Variants in PLCG2 observed in about 807,000 individuals in gnomAD.
The protein encoded by PLCG2 is 1-phosphatidylinositol 4,5-bisphosphate phosphodiesterase gamma-2.
In PLCG2, 69 loss-of-function variants were observed where a neutral mutation model predicts 175.6. That is an observed-to-expected ratio of 0.39 (90% confidence interval 0.32 to 0.48). The LOEUF is 0.48. Ranked by LOEUF, PLCG2 falls within the 20% of genes least tolerant of loss-of-function variation. The pLI is 0.91. For synonymous variants in PLCG2, 827 were observed against 624.0 expected, an observed-to-expected ratio of 1.33 and a Z score of -4.85; for missense variants, 1,798 against 1,650.9, an observed-to-expected ratio of 1.09 and a Z score of -1.54.
At chr16:81,925,822 G>C (rs944959113) in intron 22 of PLCG2, among the ~76,000 whole-genome samples, 2 of 151,722 alleles carry the variant, frequency 1.3e-5, no homozygotes, top group African/African-American at 2.4e-5. Context: ...GGGAGGCGAA[G>C]GTTGCAGTGA....
Position 81,786,135 on chromosome 16 carries a change from C to T in PLCG2, c.146C>T (p.Thr49Met), listed in dbSNP as rs1231997442. The change falls in exon 2 of 33, where the codon ACG (threonine) becomes ATG (methionine). Residue 49 changes from threonine (T) to methionine (M), a missense_variant. Transcript: ENST00000564138. ...ERRTVQVIMETRQVAWSKTAD... is the reference protein window; with the variant it reads ...ERRTVQVIMEMRQVAWSKTAD... The stretch of plus-strand genomic sequence containing the variant: ...AGAACCGTCCAGGTGATCATGGAGA[C>T]GCGGCAGGTGGCCTGGAGCAAGACC... 3.7e-6 allele frequency: 6 copies of T among 1,614,084 alleles called. No individual in the cohort carries two copies. The highest frequency in any genetic ancestry group is 1.1e-5 in the South Asian group (1 of 91,082).
At chr16:81,867,526 A>G (rs1268974076) in intron 5 of PLCG2, among the ~76,000 whole-genome samples, 1 of 152,204 alleles carries the variant, frequency 6.6e-6, no homozygotes, top group Non-Finnish European at 1.5e-5. Flanking sequence ...TGATCATGGT[A>G]CCTGCCTTGT....
At chr16:81,949,079 T>A (rs182195298) in intron 31 of PLCG2, among the ~76,000 whole-genome samples, 264 of 152,224 alleles carry the variant, frequency 1.7e-3, no homozygotes, top group Non-Finnish European at 2.8e-3. Context: ...ACACCAAAGA[T>A]AATGTGAAGG....
chr16:81,935,489 AT>A, intron 26 of PLCG2: 1 of 982,164 alleles, frequency 1.0e-6, no homozygotes, highest in Non-Finnish European at 1.2e-6. Flanking sequence ...TGCTGTACGT[AT>A]TTTTTTCTTT....
At chr16:81,900,014 A>G (rs1318187423) in intron 13 of PLCG2, among the ~76,000 whole-genome samples, 1 of 152,228 alleles carries the variant, frequency 6.6e-6, no homozygotes, top group Non-Finnish European at 1.5e-5. Flanking sequence ...GATAAGAAAA[A>G]TCAACTACAG....
chr16:81,914,251 C>T (rs1909748529), intron 19 of PLCG2, among the ~76,000 whole-genome samples: 1 of 152,248 alleles, frequency 6.6e-6, no homozygotes. Context: ...TCTGACACAA[C>T]CGGATCGGGG....
chr16:81,821,847 A>G (rs1437342124), intron 2 of PLCG2, among the ~76,000 whole-genome samples: 1 of 152,072 alleles, frequency 6.6e-6, no homozygotes, highest in Non-Finnish European at 1.5e-5. Context: ...TCCCCTCTCA[A>G]ATAATCTCAG....
chr16:81,936,096 C>T, intron 26 of PLCG2, 73 bp from the exon 27 acceptor site: 1 of 1,575,232 alleles, frequency 6.3e-7, no homozygotes, highest in Non-Finnish European at 8.6e-7. Flanking sequence ...GAGCATCCAG[C>T]CATTGCAGCA....
At chr16:81,768,081 G>T (rs1400764286) in intron 2 of PLCG2, among the ~76,000 whole-genome samples, 1 of 152,072 alleles carries the variant, frequency 6.6e-6, no homozygotes, top group East Asian at 1.9e-4. Context: ...GTACAGATGG[G>T]GTTTCACCAT....
chr16:81,812,462 G>A (rs1490188474), intron 2 of PLCG2, among the ~76,000 whole-genome samples: 1 of 152,152 alleles, frequency 6.6e-6, no homozygotes, highest in Non-Finnish European at 1.5e-5. Context: ...TTTTTCCTAC[G>A]TTTCTTGGCT....
Position 81,874,729 on chromosome 16 carries a change from A to G in PLCG2, c.648+3794A>G, listed in dbSNP as rs143949347. On this transcript the variant is annotated intron_variant, in intron 7 of 32. Coordinates refer to ENST00000564138, the MANE Select transcript of PLCG2 (RefSeq NM_002661.5). ...AAATGGTTTCCATCGTGAGCTTGCT[A>G]GTTCCTCTTTGTGTCTAACCACCTG... is the stretch of plus-strand genomic sequence containing the variant. Among the ~76,000 whole-genome samples, 1,342 of 152,268 alleles carry G rather than the reference A, an allele frequency of 8.8e-3. 11 individuals are homozygous for G. The highest frequency in any genetic ancestry group is 0.041 in the Middle Eastern group (12 of 294).
At chr16:81,775,288 C>G (rs557959817), upstream of PLCG2, among the ~76,000 whole-genome samples, 1 of 152,268 alleles carries the variant, frequency 6.6e-6, no homozygotes, top group Admixed American at 6.5e-5. Context: ...CGTTCTGTCT[C>G]TGTAGATTTG....
rs1244987090 is a variant in PLCG2, at chr16:81,916,704, C to A, written c.2055-2780C>A. Reference sequence around the variant, plus strand: ...CCAGTCTGGAGTGCAGGGGCGTGATCTTGGCTCACTGCAACCTGCACCTCC... The same window carrying A: ...CCAGTCTGGAGTGCAGGGGCGTGATATTGGCTCACTGCAACCTGCACCTCC... On this transcript the variant is annotated intron_variant, in intron 19 of 32. Coordinates refer to ENST00000564138, the MANE Select transcript of PLCG2 (RefSeq NM_002661.5). Among the ~76,000 whole-genome samples the A allele has an allele frequency of 3.3e-5, 5 of 151,880 alleles. No homozygotes were observed. The East Asian group carries it at 9.7e-4, about 29-fold the overall frequency.
At chr16:81,767,132 C>T (rs1473252470) in intron 2 of PLCG2, among the ~76,000 whole-genome samples, 2 of 136,934 alleles carry the variant, frequency 1.5e-5, no homozygotes, top group Admixed American at 7.9e-5. Context: ...CTGATAAACT[C>T]GTGGTTTTTT....
At chr16:81,878,439 G>A (rs1049113191) in intron 7 of PLCG2, among the ~76,000 whole-genome samples, 19 of 152,064 alleles carry the variant, frequency 1.2e-4, no homozygotes, top group Non-Finnish European at 2.2e-4. Flanking sequence ...ATATATTCCC[G>A]GGGACACCAT....
At chr16:81,878,441 G>A (rs1907921762) in intron 7 of PLCG2, among the ~76,000 whole-genome samples, 1 of 152,036 alleles carries the variant, frequency 6.6e-6, no homozygotes, top group African/African-American at 2.4e-5. Context: ...ATATTCCCGG[G>A]GACACCATCC....
rs191299004 is a variant in PLCG2, at chr16:81,786,507, C to T, written c.193+325C>T. ...GGATCGTCTGGTTCCCACAACTGGT[C>T]GAGTCATCTTTCCTCTTAAGGGCGA... On this transcript the variant is annotated intron_variant, in intron 2 of 32. Coordinates refer to ENST00000564138, the MANE Select transcript of PLCG2 (RefSeq NM_002661.5). 6.8e-4 allele frequency among the ~76,000 whole-genome samples: 103 copies of T among 152,286 alleles called. No individual in the cohort carries two copies. The South Asian group carries it at 8.9e-3, about 13-fold the overall frequency.
intron 21 of PLCG2, 71 bp from the exon 22 acceptor site, chr16:81,923,414 C>T: frequency 4.5e-6 from 4 of 881,660 alleles, no homozygotes; most frequent in East Asian, 2.5e-5. Flanking sequence ...CCAAATGGTA[C>T]CTGGGAACGC....
intron 2 of PLCG2, among the ~76,000 whole-genome samples, chr16:81,795,775 C>G (rs1291407693): frequency 1.3e-5 from 2 of 152,094 alleles, no homozygotes; most frequent in Non-Finnish European, 2.9e-5. Flanking sequence ...TCACAGCTCA[C>G]TGCAGCCTTG....
Sources: allele counts gnomAD v4.1 joint callset (sites outside exome capture counted in the v4.1 genomes callset), GRCh38; gene constraint gnomAD v4.1.1; transcripts MANE v1.5; gene names NCBI Gene and HGNC (gene_info 2026-07-23, HGNC 2026-07-21).